The following NAV2 variants were observed in gnomAD, a reference collection of about 807,000 sequenced individuals.
NAV2 encodes helicase, APC down-regulated 1.
In NAV2, 54 loss-of-function variants were observed where a neutral mutation model predicts 223.2. That is an observed-to-expected ratio of 0.24 (90% CI 0.19 to 0.30). The LOEUF (loss-of-function observed/expected upper bound fraction) is 0.30, where lower values mean the gene tolerates loss of function less well. Ranked by LOEUF, NAV2 falls within the 10% of genes least tolerant of loss-of-function variation. NAV2 has a pLI of 1.00. For missense variants in NAV2, 2,806 were observed against 3,147.5 expected (o/e 0.89, Z 2.60); for synonymous variants, 1,279 against 1,239.3 (o/e 1.03, Z -0.67).
Position 19,725,309 on chromosome 11 carries a change from C to T in NAV2, c.267+11347C>T, listed in dbSNP as rs1336451663. Among the ~76,000 whole-genome samples, 8 of 152,342 alleles carry T rather than the reference C, an allele frequency of 5.3e-5. No homozygotes were observed. In the East Asian group the frequency reaches 1.3e-3, roughly 26 times the overall value. ...ACAGAGCTTGCCTCCTTCCCCACAG[C>T]ATGGTCCTCCCTCAGTGCTGCCGCC... On this transcript the variant is annotated intron_variant, in intron 1 of 37. Coordinates refer to ENST00000349880, the MANE Select transcript of NAV2 (RefSeq NM_145117.5).
At chr11:19,741,711 A>G (rs2052840560) in intron 1 of NAV2, among the ~76,000 whole-genome samples, 1 of 138,482 alleles carries the variant, frequency 7.2e-6, no homozygotes, top group Admixed American at 7.1e-5. Flanking sequence ...ATATATATAT[A>G]TATATATATA....
chr11:20,114,320 C>T, intron 36 of NAV2: 2 of 523,738 alleles, frequency 3.8e-6, no homozygotes, highest in East Asian at 3.3e-5. Flanking sequence ...TTTAGGGTCA[C>T]ACGGTGAGTC....
rs546189244 is a variant in NAV2, at chr11:19,463,278, T to C, written c.75+112251T>C. ...CACTCACAAATATTTATCAAGCACC[T>C]ACTATGTTTCAGGCATTGTGCCGTG... On this transcript the variant is annotated intron_variant, in intron 1 of 37. Transcript: ENST00000360655. Among the ~76,000 whole-genome samples, 8 of 152,378 alleles carry C rather than the reference T, an allele frequency of 5.3e-5. No homozygotes were observed. In the South Asian group the frequency reaches 1.4e-3, roughly 28 times the overall value.
In NAV2 at chr11:19,924,501, CTG is replaced by C. The variant is rs140379367; in HGVS notation, c.932-8674_932-8673del. 3.9e-5 allele frequency among the ~76,000 whole-genome samples: 6 copies of C among 152,286 alleles called. No homozygotes were observed. The East Asian group carries it at 1.2e-3, about 29-fold the overall frequency. On this transcript the variant is annotated intron_variant, in intron 6 of 37. Transcript: ENST00000349880. ...TGCTTCCTCTGGGGTGAAAAAGTCACTGAGAAAAACTGGGAAATGTGTGGTTC... is the reference window on the plus strand; with the variant it reads ...TGCTTCCTCTGGGGTGAAAAAGTCACAGAAAAACTGGGAAATGTGTGGTTC...
intron 1 of NAV2, among the ~76,000 whole-genome samples, chr11:19,435,415 T>C (rs1426475778): frequency 6.6e-6 from 1 of 152,230 alleles, no homozygotes; most frequent in Non-Finnish European, 1.5e-5. Context: ...TTTCTGTTTT[T>C]TTAATGGATG....
In NAV2 at chr11:19,521,319, A is replaced by C. The variant is rs11025166; in HGVS notation, c.75+170292A>C. 3.0e-4 allele frequency among the ~76,000 whole-genome samples: 46 copies of C among 152,306 alleles called. No individual in the cohort carries two copies. In the East Asian group the frequency reaches 8.1e-3, roughly 27 times the overall value. ...TTCCTCTTGGAGACCATGGACCCAG[A>C]GGCCAGTCCCCAAGTCCTAGGTAGC... is the stretch of plus-strand genomic sequence containing the variant. On this transcript the variant is annotated intron_variant, in intron 1 of 37. Coordinates refer to the NAV2 transcript ENST00000360655.
At chr11:19,516,239 C>A (rs1332427951) in intron 1 of NAV2, among the ~76,000 whole-genome samples, 1 of 152,154 alleles carries the variant, frequency 6.6e-6, no homozygotes, top group Non-Finnish European at 1.5e-5. Context: ...TGTCTTTTTG[C>A]TGCAAGTAAA....
At chr11:19,616,990 T>C (rs890643176) in intron 1 of NAV2, among the ~76,000 whole-genome samples, 86 of 151,952 alleles carry the variant, frequency 5.7e-4, no homozygotes, top group African/African-American at 2.0e-3. Context: ...ATAACATGGG[T>C]CTCATAACGT....
intron 11 of NAV2, 64 bp from the exon 12 acceptor site, chr11:20,035,895 G>A (rs898229035): frequency 6.2e-7 from 1 of 1,600,106 alleles, no homozygotes; most frequent in East Asian, 2.2e-5. Context: ...GTCTGTCTGT[G>A]TCATCAGCCT....
chr11:19,746,847 AC>A (rs920203032), intron 1 of NAV2, among the ~76,000 whole-genome samples: 3 of 152,122 alleles, frequency 2.0e-5, no homozygotes, highest in African/African-American at 4.8e-5. Context: ...TTAAAAAAAA[AC>A]ATGAAGATTA....
chr11:19,895,749 T>C (rs1050127818), intron 6 of NAV2, among the ~76,000 whole-genome samples: 1 of 152,152 alleles, frequency 6.6e-6, no homozygotes, highest in Non-Finnish European at 1.5e-5. Flanking sequence ...TTTTCAACCA[T>C]CCTGAGGTAA....
chr11:19,350,824 G>C, exon 1 of NAV2: 1 of 831,766 alleles, frequency 1.2e-6, no homozygotes. Context: ...TTGAAGAGGT[G>C]GTGCTGATTT....
At chr11:19,533,490 C>G (rs1344582278) in intron 1 of NAV2, among the ~76,000 whole-genome samples, 3 of 152,238 alleles carry the variant, frequency 2.0e-5, no homozygotes, top group Non-Finnish European at 4.4e-5. Flanking sequence ...CCACACATGT[C>G]CTGGGCATGT....
chr11:19,702,587 C>T (rs905714912), intron 1 of NAV2, among the ~76,000 whole-genome samples: 1 of 151,900 alleles, frequency 6.6e-6, no homozygotes, highest in Non-Finnish European at 1.5e-5. Context: ...GAGACCAGCC[C>T]GGGCAACATG....
At chr11:19,547,255 C>T (rs116236046) in intron 1 of NAV2, among the ~76,000 whole-genome samples, 3,390 of 152,268 alleles carry the variant, frequency 0.022, 126 homozygotes, top group African/African-American at 0.079. Context: ...CAGAGCCCAG[C>T]GGAGGGCCAG....
chr11:19,585,511 T>G (rs550658050), intron 1 of NAV2, among the ~76,000 whole-genome samples: 31 of 152,362 alleles, frequency 2.0e-4, no homozygotes, highest in Admixed American at 2.0e-3. Context: ...TTGCAGTGGC[T>G]GGTACCGGTT....
intron 1 of NAV2, among the ~76,000 whole-genome samples, chr11:19,409,713 C>T (rs1053271167): frequency 1.3e-5 from 2 of 152,168 alleles, no homozygotes; most frequent in East Asian, 3.9e-4. Flanking sequence ...TAGTTCTCTC[C>T]AAAACTCTTG....
chr11:19,927,302 C>A (rs910615605), intron 6 of NAV2, among the ~76,000 whole-genome samples: 2 of 152,208 alleles, frequency 1.3e-5, no homozygotes, highest in Admixed American at 1.3e-4. Flanking sequence ...TGTTTAAGGG[C>A]CAGGCGTAGT....
Position 19,662,568 on chromosome 11 carries a change from C to T in NAV2, c.76-169916C>T, listed in dbSNP as rs191402676. Among the ~76,000 whole-genome samples the T allele has an allele frequency of 7.3e-3, 1,116 of 152,376 alleles. 6 individuals are homozygous for T. Among genetic ancestry groups the T allele is most frequent in the Non-Finnish European group, 0.012 (789 of 68,030 alleles). On this transcript the variant is annotated intron_variant, in intron 1 of 37. Coordinates refer to the NAV2 transcript ENST00000360655. ...CCACGTGTTCTTCCATTCCTGCTAA[C>T]CACCACATGTCAGGCAGCTGGAGGG...
Sources: allele counts gnomAD v4.1 joint callset (sites outside exome capture counted in the v4.1 genomes callset), GRCh38; gene constraint gnomAD v4.1.1; transcripts MANE v1.5; gene names NCBI Gene and HGNC (gene_info 2026-07-23, HGNC 2026-07-21).